The following ZDHHC21 variants were observed in gnomAD, a reference collection of about 807,000 sequenced individuals.
ZDHHC21 encodes the protein zDHHC palmitoyltransferase 21.
ZDHHC21 carries 15 observed loss-of-function variants against 34.6 expected under a neutral mutation model. The ratio of observed to expected loss-of-function variants is 0.43; its 90% CI spans 0.29 to 0.67. ZDHHC21 has a LOEUF of 0.67. ZDHHC21 is among the 30% of genes least tolerant of loss of function. ZDHHC21 has a pLI of 0.14. For synonymous variants in ZDHHC21, 142 were observed against 101.8 expected, an observed-to-expected ratio of 1.40 and a Z score of -2.38; for missense variants, 344 against 327.7, an observed-to-expected ratio of 1.05 and a Z score of -0.38.
At chr9:14,655,046 T>C (rs186579880) in intron 7 of ZDHHC21, among the ~76,000 whole-genome samples, 79 of 151,798 alleles carry the variant, frequency 5.2e-4, no homozygotes, top group African/African-American at 1.7e-3. Flanking sequence ...AAGAAAACAA[T>C]ACCAAAGCAC....
intron 8 of ZDHHC21, among the ~76,000 whole-genome samples, chr9:14,633,464 G>A (rs779936063): frequency 6.6e-6 from 1 of 152,076 alleles, no homozygotes; most frequent in Non-Finnish European, 1.5e-5. Flanking sequence ...ATACATGAAG[G>A]TACCGCTCCA....
the ZDHHC21 span, among the ~76,000 whole-genome samples, chr9:14,599,385 A>G: frequency 6.6e-6 from 1 of 152,134 alleles, no homozygotes; most frequent in Non-Finnish European, 1.5e-5. Context: ...GCTGTGAGGG[A>G]CTGTGCCATG....
chr9:14,674,297 C>T lies in ZDHHC21; in HGVS notation c.44G>A (p.Cys15Tyr). Reference sequence around the variant, plus strand: ...AACAAAGACAATCAAACCCATGCAGCACCAACCATGTGGGTCAACAACAAA... The same window carrying T: ...AACAAAGACAATCAAACCCATGCAGTACCAACCATGTGGGTCAACAACAAA... ...IHFVVDPHGW[C>Y]CMGLIVFVWL... Residue 15 changes from cysteine to tyrosine, a missense_variant, in exon 4 of 10, where the codon TGC becomes TAC. Cys to Tyr is a radical substitution (Grantham distance 194, BLOSUM62 -2). Coordinates refer to ENST00000380916, the MANE Select transcript of ZDHHC21 (RefSeq NM_178566.6). The T allele has an allele frequency of 6.3e-7, 1 of 1,597,338 alleles. No homozygotes were observed. Among genetic ancestry groups the T allele is most frequent in the Non-Finnish European group, 8.5e-7 (1 of 1,173,978 alleles).
rs752511088 is a variant in ZDHHC21, at chr9:14,658,788, G to A, written c.465C>T (p.Cys155=). 6.2e-7 allele frequency: 1 copy of A among 1,613,618 alleles called. No individual in the cohort carries two copies. Among genetic ancestry groups the A allele is most frequent in the Non-Finnish European group, 8.5e-7 (1 of 1,179,864 alleles). ...LTCYALMFSF[C]HYYYFLPLKK... ...TTAGTGGAAGAAAATAGTAATAGTG[G>A]CAGAAAGAAAACATCAGTGCGTAGC... is the stretch of plus-strand genomic sequence containing the variant. The change falls in exon 7 of 10, where the codon TGC becomes TGT. Residue 155 remains cysteine, a synonymous_variant. Transcript: ENST00000380916.
chr9:14,668,653 G>C (rs561512621), intron 5 of ZDHHC21, among the ~76,000 whole-genome samples: 38 of 150,896 alleles, frequency 2.5e-4, no homozygotes, highest in African/African-American at 9.0e-4. Flanking sequence ...CCAAAACAGA[G>C]ATATAGACCA....
chr9:14,682,098 A>G (rs1837485736), intron 2 of ZDHHC21, among the ~76,000 whole-genome samples: 1 of 152,192 alleles, frequency 6.6e-6, no homozygotes, highest in South Asian at 2.1e-4. Context: ...GCCAGACTGT[A>G]AAGACCACAG....
In ZDHHC21 at chr9:14,658,808, C is replaced by T. The variant is rs756767150; in HGVS notation, c.445G>A (p.Ala149Thr). The T allele has an allele frequency of 7.4e-6, 12 of 1,613,362 alleles. No homozygotes were observed. The East Asian group carries it at 1.3e-4, about 18-fold the overall frequency. ...CFYTELLTCY[A>T]LMFSFCHYYY... ...TAGTGGCAGAAAGAAAACATCAGTG[C>T]GTAGCAAGTAAGAAGTTCAGTGTAG... The change falls in exon 7 of 10, where the codon GCA becomes ACA. Residue 149 changes from alanine (A) to threonine (T), a missense_variant. Transcript: ENST00000380916.
chr9:14,659,006 C>T (rs1832876392), intron 6 of ZDHHC21, 119 bp from the exon 7 acceptor site: 2 of 970,254 alleles, frequency 2.1e-6, no homozygotes, highest in Non-Finnish European at 3.0e-6. Context: ...TGGAGATATG[C>T]TATGGCCACT....
chr9:14,641,920 G>A (rs1282216296), intron 7 of ZDHHC21, among the ~76,000 whole-genome samples: 3 of 152,096 alleles, frequency 2.0e-5, no homozygotes, highest in Non-Finnish European at 4.4e-5. Context: ...TTAATGCACG[G>A]TTTTACACAG....
chr9:14,660,240 C>T (rs973517186), intron 6 of ZDHHC21, among the ~76,000 whole-genome samples: 1 of 151,810 alleles, frequency 6.6e-6, no homozygotes, highest in South Asian at 2.1e-4. Context: ...GTGGCATGCA[C>T]TTGTAATCCC....
chr9:14,620,217 C>A (rs546959327), intron 8 of ZDHHC21, among the ~76,000 whole-genome samples: 1 of 151,704 alleles, frequency 6.6e-6, no homozygotes, highest in African/African-American at 2.4e-5. Context: ...TCTTTCTTAG[C>A]GGAAAAAATA....
intron 8 of ZDHHC21, among the ~76,000 whole-genome samples, chr9:14,636,953 G>A (rs922998627): frequency 6.6e-6 from 1 of 151,976 alleles, no homozygotes; most frequent in African/African-American, 2.4e-5. Flanking sequence ...CAAAACAGTA[G>A]AAAGATTTCA....
chr9:14,594,698 A>C, the ZDHHC21 span, among the ~76,000 whole-genome samples: 1 of 152,216 alleles, frequency 6.6e-6, no homozygotes, highest in African/African-American at 2.4e-5. Flanking sequence ...GATAAATTGG[A>C]ATTCATCAAA....
intron 3 of ZDHHC21, among the ~76,000 whole-genome samples, chr9:14,678,840 A>AT (rs1183531072): frequency 2.6e-5 from 4 of 152,066 alleles, no homozygotes; most frequent in Non-Finnish European, 2.9e-5. Context: ...AGCTATTGCA[A>AT]TTTTTTTTAA....
chr9:14,597,927 C>A, the ZDHHC21 span, among the ~76,000 whole-genome samples: 2 of 152,126 alleles, frequency 1.3e-5, no homozygotes, highest in African/African-American at 4.8e-5. Flanking sequence ...ATGCCCTCCC[C>A]CTCCACACAA....
At chr9:14,685,811 T>TC in intron 2 of ZDHHC21, among the ~76,000 whole-genome samples, 1 of 152,228 alleles carries the variant, frequency 6.6e-6, no homozygotes, top group South Asian at 2.1e-4. Flanking sequence ...ACCCAAATGT[T>TC]CATCAATGAT....
chr9:14,633,760 C>G (rs1479622365), intron 8 of ZDHHC21, among the ~76,000 whole-genome samples: 1 of 152,168 alleles, frequency 6.6e-6, no homozygotes, highest in African/African-American at 2.4e-5. Flanking sequence ...AACCCCCACC[C>G]ACAGCAGCCA....
At chr9:14,642,281 C>G (rs1324699055) in intron 7 of ZDHHC21, among the ~76,000 whole-genome samples, 5 of 152,270 alleles carry the variant, frequency 3.3e-5, no homozygotes, top group South Asian at 2.1e-4. Flanking sequence ...AGCACTAAAT[C>G]CATATTTTGA....
chr9:14,653,677 C>A (rs62535363), intron 7 of ZDHHC21, among the ~76,000 whole-genome samples: 1 of 151,880 alleles, frequency 6.6e-6, no homozygotes, highest in Non-Finnish European at 1.5e-5. Flanking sequence ...GACCTTATGG[C>A]CACAGAAGTT....
Sources: allele counts gnomAD v4.1 joint callset (sites outside exome capture counted in the v4.1 genomes callset), GRCh38; gene constraint gnomAD v4.1.1; transcripts MANE v1.5; gene names NCBI Gene and HGNC (gene_info 2026-07-23, HGNC 2026-07-21).